Variants in PTPRM observed in about 807,000 individuals in gnomAD.
PTPRM encodes the protein protein tyrosine phosphatase receptor type M, also known as receptor-type tyrosine-protein phosphatase mu.
Under a neutral mutation model 186.7 loss-of-function variants are expected in PTPRM, and 47 were observed. That is an observed-to-expected ratio of 0.25 (90% confidence interval 0.20 to 0.32). PTPRM has a LOEUF of 0.32. Among genes scored for constraint, PTPRM ranks in the 10% least tolerant of loss-of-function variants. The pLI is 1.00. For synonymous variants in PTPRM, 668 were observed against 674.9 expected (o/e 0.99, Z 0.16); for missense variants, 1,494 against 1,865.0 (o/e 0.80, Z 3.66).
chr18:8,206,268 A>ATTTTATTTTTTTTTTATTTTTTTTTTTTT (rs1238112461), intron 14 of PTPRM, among the ~76,000 whole-genome samples: 3 of 148,988 alleles, frequency 2.0e-5, no homozygotes, highest in African/African-American at 7.8e-5. Context: ...ATTTTATTTT[A>ATTTTATTTTTTTTTTATTTTTTTTTTTTT]TTTTGAGACG....
intron 8 of PTPRM, among the ~76,000 whole-genome samples, chr18:8,071,281 T>C (rs995587380): frequency 6.6e-6 from 1 of 152,224 alleles, no homozygotes; most frequent in Non-Finnish European, 1.5e-5. Context: ...CTGCCTTACA[T>C]TTCTCTATTG....
chr18:7,746,582 C>T (rs1425915014), intron 1 of PTPRM, among the ~76,000 whole-genome samples: 2 of 152,102 alleles, frequency 1.3e-5, no homozygotes, highest in African/African-American at 2.4e-5. Flanking sequence ...TCTCCTGCCT[C>T]AGCCTCCCAA....
At chr18:7,764,055 A>C (rs542317516) in intron 1 of PTPRM, among the ~76,000 whole-genome samples, 2 of 152,234 alleles carry the variant, frequency 1.3e-5, no homozygotes, top group East Asian at 3.9e-4. Context: ...CTTAGGAGAA[A>C]AATTATAGAT....
chr18:8,099,821 T>C (rs1180445953), intron 11 of PTPRM, among the ~76,000 whole-genome samples: 1 of 152,182 alleles, frequency 6.6e-6, no homozygotes, highest in African/African-American at 2.4e-5. Flanking sequence ...ACAAGAAGAC[T>C]TGGGTTTGAA....
chr18:7,815,655 C>T (rs752660636), intron 2 of PTPRM: 1 of 152,048 alleles, frequency 6.6e-6, no homozygotes, highest in African/African-American at 2.4e-5. Context: ...TGAATAGCCA[C>T]TGCGCTCTAG....
intron 19 of PTPRM, among the ~76,000 whole-genome samples, chr18:8,280,423 A>G (rs2094890388): frequency 6.6e-6 from 1 of 151,012 alleles, no homozygotes; most frequent in Non-Finnish European, 1.5e-5. Flanking sequence ...GGGGGGGGTC[A>G]CAATTCAGCC....
intron 22 of PTPRM, among the ~76,000 whole-genome samples, chr18:8,342,574 C>T (rs565857295): frequency 6.6e-5 from 10 of 152,314 alleles, no homozygotes; most frequent in Admixed American, 1.3e-4. Context: ...ATGTGACTCT[C>T]CAAGCCTTTG....
At chr18:8,383,655 C>CT (rs1228870562) in intron 29 of PTPRM, among the ~76,000 whole-genome samples, 1 of 152,192 alleles carries the variant, frequency 6.6e-6, no homozygotes, top group East Asian at 1.9e-4. Flanking sequence ...AATTAGGCCA[C>CT]TTCCAGGCAG....
intron 7 of PTPRM, among the ~76,000 whole-genome samples, chr18:8,045,576 A>G (rs1013878056): frequency 6.6e-6 from 1 of 152,198 alleles, no homozygotes; most frequent in Non-Finnish European, 1.5e-5. Flanking sequence ...AACAGACCAC[A>G]TTTTGTATGA....
chr18:7,567,987 G>C lies in PTPRM; in HGVS notation c.73+96G>C. 4.1e-6 allele frequency: 5 copies of C among 1,228,250 alleles called. No individual in the cohort carries two copies. The highest frequency in any genetic ancestry group is 4.2e-6 in the Non-Finnish European group (4 of 946,336). The allele number at this position is 1,228,250 out of a possible 1,614,324, so 76.1% of individuals were successfully genotyped here. A position where few individuals can be genotyped will look rare whatever the true frequency, so the allele number is the denominator to read the frequency against. Reference sequence around the variant, plus strand: ...CCCTGGTGGTAGAGCCCTAAGGCTGGCGTCGGGGCCGGGCGGGGGGCGCGG... The same window carrying C: ...CCCTGGTGGTAGAGCCCTAAGGCTGCCGTCGGGGCCGGGCGGGGGGCGCGG... On this transcript the variant is annotated intron_variant, in intron 1 of 32. Transcript: ENST00000580170. This position sits in a 1 kb window ranked among gnomAD's most constrained non-coding sequence, Gnocchi z 4.3.
intron 11 of PTPRM, among the ~76,000 whole-genome samples, chr18:8,091,704 GACTAGGTTGGGGA>G (rs1189128888): frequency 6.6e-6 from 1 of 151,554 alleles, no homozygotes; most frequent in Non-Finnish European, 1.5e-5. Flanking sequence ...TAGCGAGAAA[GACTAGGTTGGGGA>G]AAAAAATGTG....
intron 14 of PTPRM, among the ~76,000 whole-genome samples, chr18:8,144,650 T>A (rs1467147278): frequency 6.6e-6 from 1 of 152,112 alleles, no homozygotes; most frequent in Non-Finnish European, 1.5e-5. Flanking sequence ...AGGGATAGTC[T>A]GGGGGAGAGA....
chr18:8,202,417 C>T (rs1012423808), intron 14 of PTPRM, among the ~76,000 whole-genome samples: 2 of 152,182 alleles, frequency 1.3e-5, no homozygotes, highest in African/African-American at 4.8e-5. Flanking sequence ...ATTCTCTGCT[C>T]AGTGTGGGCC....
intron 13 of PTPRM, among the ~76,000 whole-genome samples, chr18:8,139,726 G>C (rs145500514): frequency 6.6e-6 from 1 of 151,928 alleles, no homozygotes; most frequent in East Asian, 1.9e-4. Context: ...GTCTCTGCTC[G>C]AATGTTATTT....
At chr18:8,096,192 C>A (rs911580248) in intron 11 of PTPRM, among the ~76,000 whole-genome samples, 5 of 152,198 alleles carry the variant, frequency 3.3e-5, no homozygotes, top group African/African-American at 1.2e-4. Context: ...AGAAGGCATG[C>A]CAGCAGCACA....
At chr18:7,663,033 T>C (rs750289426) in intron 1 of PTPRM, among the ~76,000 whole-genome samples, 3 of 152,204 alleles carry the variant, frequency 2.0e-5, no homozygotes, top group Non-Finnish European at 4.4e-5. Flanking sequence ...CCCTCTGCTC[T>C]TCTTGGCAGG....
At chr18:7,698,150 T>C (rs2039884288) in intron 1 of PTPRM, among the ~76,000 whole-genome samples, 1 of 152,174 alleles carries the variant, frequency 6.6e-6, no homozygotes, top group Non-Finnish European at 1.5e-5. Context: ...CTTAAAACAA[T>C]AGCAGACTAC....
intron 7 of PTPRM, among the ~76,000 whole-genome samples, chr18:8,068,863 G>T (rs2089270409): frequency 6.6e-6 from 1 of 152,094 alleles, no homozygotes; most frequent in Non-Finnish European, 1.5e-5. Flanking sequence ...ACTTTGGGAG[G>T]CCAAGGCAGG....
At chr18:7,678,810 G>A (rs139008335) in intron 1 of PTPRM, among the ~76,000 whole-genome samples, 5 of 152,200 alleles carry the variant, frequency 3.3e-5, no homozygotes, top group Non-Finnish European at 5.9e-5. Flanking sequence ...TTATGCAGTC[G>A]TGCCCCTGTT....
Sources: allele counts gnomAD v4.1 joint callset (sites outside exome capture counted in the v4.1 genomes callset), GRCh38; gene constraint gnomAD v4.1.1; non-coding constraint Gnocchi (gnomAD v3.1); transcripts MANE v1.5; gene names NCBI Gene and HGNC (gene_info 2026-07-23, HGNC 2026-07-21).